TBL1XR1: variants seen among roughly 807,000 people sequenced by gnomAD.
TBL1XR1 encodes F-box-like/WD repeat-containing protein TBL1XR1.
TBL1XR1 carries 5 observed loss-of-function variants against 66.9 expected under a neutral mutation model. The ratio of observed to expected loss-of-function variants is 0.07; its 90% CI spans 0.04 to 0.16. The LOEUF (loss-of-function observed/expected upper bound fraction) is 0.16, where lower values mean the gene tolerates loss of function less well. TBL1XR1 is among the 10% of genes least tolerant of loss of function. The pLI is 1.00. For missense variants in TBL1XR1, 238 were observed against 623.2 expected (o/e 0.38, Z 6.58); for synonymous variants, 210 against 206.0 (o/e 1.02, Z -0.17).
At chr3:177,094,399 T>C (rs943357141) in intron 2 of TBL1XR1, among the ~76,000 whole-genome samples, 1 of 152,202 alleles carries the variant, frequency 6.6e-6, no homozygotes, top group Non-Finnish European at 1.5e-5. Context: ...ACAACCATTA[T>C]GGAAATCAAT....
chr3:177,051,478 A>G (rs776183181), intron 5 of TBL1XR1, 26 bp downstream of exon 5: 2 of 1,508,424 alleles, frequency 1.3e-6, no homozygotes, highest in African/African-American at 1.4e-5. Flanking sequence ...CCATGTAATT[A>G]AAAAAAAATT....
chr3:177,041,741 G>GT (rs1432759833), intron 10 of TBL1XR1, among the ~76,000 whole-genome samples: 2 of 152,294 alleles, frequency 1.3e-5, no homozygotes, highest in African/African-American at 4.8e-5. Context: ...GAGGGCTATT[G>GT]TAAGTTATGT....
At chr3:177,181,989 G>C (rs1024810086) in intron 1 of TBL1XR1, among the ~76,000 whole-genome samples, 2 of 152,028 alleles carry the variant, frequency 1.3e-5, no homozygotes, top group African/African-American at 2.4e-5. Flanking sequence ...TATATTCCTT[G>C]TTTCCCCTAG....
At chr3:177,187,072 C>A (rs1460731167) in intron 1 of TBL1XR1, among the ~76,000 whole-genome samples, 1 of 151,248 alleles carries the variant, frequency 6.6e-6, no homozygotes, top group Admixed American at 6.6e-5. Flanking sequence ...GAGGCTGAGG[C>A]AGGAGAATGG....
chr3:177,048,149 G>T (rs1355727560), intron 7 of TBL1XR1, among the ~76,000 whole-genome samples: 1 of 152,108 alleles, frequency 6.6e-6, no homozygotes, highest in Non-Finnish European at 1.5e-5. Context: ...AAAGAGCACA[G>T]GCTGACTTTA....
upstream of TBL1XR1, among the ~76,000 whole-genome samples, chr3:177,199,368 A>G (rs541751949): frequency 3.5e-4 from 48 of 135,460 alleles, no homozygotes; most frequent in African/African-American, 1.3e-3. Flanking sequence ...AAAAGAGTAT[A>G]TAGTATCTTC....
At chr3:177,173,171 G>A (rs1224601610) in intron 1 of TBL1XR1, among the ~76,000 whole-genome samples, 1 of 152,076 alleles carries the variant, frequency 6.6e-6, no homozygotes, top group Non-Finnish European at 1.5e-5. Context: ...TGGGAAACAA[G>A]AGCAAAACTC....
At chr3:177,121,119 T>G (rs188804851) in intron 1 of TBL1XR1, among the ~76,000 whole-genome samples, 1 of 152,202 alleles carries the variant, frequency 6.6e-6, no homozygotes, top group African/African-American at 2.4e-5. Flanking sequence ...CGGCTTGTCA[T>G]AGAATTCTAA....
upstream of TBL1XR1, among the ~76,000 whole-genome samples, chr3:177,198,052 G>A (rs985740952): frequency 6.6e-6 from 1 of 151,984 alleles, no homozygotes; most frequent in Non-Finnish European, 1.5e-5. Flanking sequence ...CGGGCATGTG[G>A]GGGAGTGCGG....
intron 3 of TBL1XR1, among the ~76,000 whole-genome samples, chr3:177,060,199 T>G (rs1241120754): frequency 1.3e-5 from 2 of 152,210 alleles, no homozygotes; most frequent in Admixed American, 1.3e-4. Context: ...CTCCTTTTCA[T>G]ATATACATAT....
intron 1 of TBL1XR1, among the ~76,000 whole-genome samples, chr3:177,179,184 A>G (rs1048899035): frequency 6.6e-6 from 1 of 151,724 alleles, no homozygotes; most frequent in Non-Finnish European, 1.5e-5. Context: ...TCGCACAACA[A>G]CCCCCTCCAA....
intron 1 of TBL1XR1, among the ~76,000 whole-genome samples, chr3:177,160,081 G>C (rs748638382): frequency 3.3e-5 from 5 of 152,124 alleles, no homozygotes; most frequent in Non-Finnish European, 7.4e-5. Context: ...AATGGAGCAA[G>C]AGGGAACAAA....
intron 10 of TBL1XR1, among the ~76,000 whole-genome samples, chr3:177,040,636 AT>A (rs913067090): frequency 0.01 from 1,519 of 148,600 alleles, 28 homozygotes; most frequent in African/African-American, 0.035. Context: ...CTATACTGAG[AT>A]TTTTTTTTTT....
chr3:177,036,446 G>A (rs750623402), intron 12 of TBL1XR1, among the ~76,000 whole-genome samples: 1 of 152,124 alleles, frequency 6.6e-6, no homozygotes, highest in South Asian at 2.1e-4. Context: ...AAAATCCTTT[G>A]TGACATTTAA....
chr3:177,104,649 A>G (rs550692930), intron 1 of TBL1XR1, among the ~76,000 whole-genome samples: 5 of 152,324 alleles, frequency 3.3e-5, no homozygotes, highest in Non-Finnish European at 7.4e-5. Flanking sequence ...CGATTAGGGG[A>G]AAAATGATTC....
intron 1 of TBL1XR1, among the ~76,000 whole-genome samples, chr3:177,104,389 CCAA>C (rs1724617047): frequency 1.3e-5 from 2 of 152,272 alleles, no homozygotes; most frequent in South Asian, 2.1e-4. Context: ...TATGTTATCT[CCAA>C]CAACATACTA....
chr3:177,191,535 C>A (rs1243179193), intron 1 of TBL1XR1, among the ~76,000 whole-genome samples: 1 of 152,136 alleles, frequency 6.6e-6, no homozygotes, highest in Non-Finnish European at 1.5e-5. Flanking sequence ...CCTGTATAGT[C>A]CTGATACATA....
At chr3:177,167,907 C>G (rs1279577355) in intron 1 of TBL1XR1, among the ~76,000 whole-genome samples, 2 of 151,860 alleles carry the variant, frequency 1.3e-5, no homozygotes, top group African/African-American at 4.8e-5. Flanking sequence ...GCCTGGGCAA[C>G]AAGAGCGAAA....
chr3:177,089,904 T>C (rs1253506620), intron 2 of TBL1XR1, among the ~76,000 whole-genome samples: 1 of 152,208 alleles, frequency 6.6e-6, no homozygotes, highest in East Asian at 1.9e-4. Context: ...CATAGTGAAA[T>C]ACTATTTCTC....
Sources: gnomAD v4.1 joint callset for allele counts (sites outside exome capture counted in the v4.1 genomes callset) on GRCh38, gnomAD v4.1.1 for gene constraint, MANE v1.5 for transcripts, NCBI Gene and HGNC (gene_info 2026-07-23, HGNC 2026-07-21) for gene names.